BCAS3: variants seen among roughly 807,000 people sequenced by gnomAD.
BCAS3 encodes the protein BCAS3 microtubule associated cell migration factor, also known as BCAS4/BCAS3 fusion.
BCAS3 carries 53 observed loss-of-function variants against 116.1 expected under a neutral mutation model. The observed-to-expected ratio is 0.46, with a 90% CI of 0.37 to 0.57. BCAS3 has a LOEUF of 0.57. Among genes scored for constraint, BCAS3 ranks in the 20% least tolerant of loss-of-function variants. The pLI is 0.00. For synonymous variants in BCAS3, 391 were observed against 408.2 expected (o/e 0.96, Z 0.51); for missense variants, 917 against 1,165.4 (o/e 0.79, Z 3.10).
intron 19 of BCAS3, among the ~76,000 whole-genome samples, chr17:61,070,675 C>G (rs1336540847): frequency 6.6e-6 from 1 of 151,996 alleles, no homozygotes; most frequent in African/African-American, 2.4e-5. Context: ...GAATTTTAAA[C>G]TAGAATGTTG....
At chr17:61,240,824 C>T (rs2047449767) in intron 22 of BCAS3, among the ~76,000 whole-genome samples, 1 of 152,186 alleles carries the variant, frequency 6.6e-6, no homozygotes, top group East Asian at 1.9e-4. Context: ...TTAAATTGAT[C>T]TCAGACACAC....
chr17:60,977,152 G>GC (rs965473612), intron 14 of BCAS3, among the ~76,000 whole-genome samples: 3 of 152,098 alleles, frequency 2.0e-5, no homozygotes, highest in African/African-American at 7.2e-5. Context: ...GGCGGGGGCT[G>GC]CCCCCCACGA....
chr17:60,780,289 AT>A (rs76897536), intron 6 of BCAS3, among the ~76,000 whole-genome samples: 4,521 of 127,070 alleles, frequency 0.036, 110 homozygotes, highest in African/African-American at 0.087. Context: ...TGCCCTGCCT[AT>A]TTTTTTTTTT....
At chr17:61,269,609 A>G (rs748221163) in intron 22 of BCAS3, among the ~76,000 whole-genome samples, 2 of 151,944 alleles carry the variant, frequency 1.3e-5, no homozygotes, top group Non-Finnish European at 2.9e-5. Context: ...TCTCTGTTAC[A>G]TTTGTTTGTC....
chr17:61,216,323 C>A lies in BCAS3; in HGVS notation c.2425+131759C>A, dbSNP rs190722320. On this transcript the variant is annotated intron_variant, in intron 22 of 23. Transcript: ENST00000407086. ...AGATGCCCCTAGTGGGATTATATCA[C>A]CATTTTGTCAGATTTTTCTTAAGTC... Among the ~76,000 whole-genome samples, 563 of 152,164 alleles carry A rather than the reference C, an allele frequency of 3.7e-3. 3 individuals carry two copies. Among genetic ancestry groups the A allele is most frequent in the African/African-American group, 0.013 (542 of 41,514 alleles).
chr17:61,294,858 C>T (rs1003744271), intron 22 of BCAS3, among the ~76,000 whole-genome samples: 1 of 152,192 alleles, frequency 6.6e-6, no homozygotes, highest in Admixed American at 6.5e-5. Flanking sequence ...GACTTCTGGT[C>T]CATTGCTACT....
At chr17:61,246,478 A>AG (rs1314414973) in intron 22 of BCAS3, among the ~76,000 whole-genome samples, 34 of 142,704 alleles carry the variant, frequency 2.4e-4, no homozygotes, top group Non-Finnish European at 3.4e-4. Context: ...TCAGAAAAAA[A>AG]AAAAAAAAAA....
intron 5 of BCAS3, among the ~76,000 whole-genome samples, chr17:60,732,032 C>T (rs1166167059): frequency 2.0e-5 from 3 of 152,118 alleles, no homozygotes; most frequent in East Asian, 1.9e-4. Flanking sequence ...GCCTCTGCCT[C>T]CCAAAGTGCT....
chr17:60,790,038 G>C (rs1282442018), intron 6 of BCAS3, among the ~76,000 whole-genome samples: 4 of 151,920 alleles, frequency 2.6e-5, no homozygotes, highest in Admixed American at 2.6e-4. Context: ...TTTTCTACTT[G>C]CATGGACTTT....
At chr17:60,800,459 G>A (rs1226016807) in intron 6 of BCAS3, among the ~76,000 whole-genome samples, 2 of 152,098 alleles carry the variant, frequency 1.3e-5, no homozygotes, top group African/African-American at 4.8e-5. Context: ...TTACTGTTGA[G>A]TTGTGAGATT....
At position 61,244,645 on chromosome 17, in the gene BCAS3, C is replaced by A. The variant is rs951705662; in HGVS notation, c.2426-123682C>A. Among the ~76,000 whole-genome samples, 1 of 152,112 alleles carries A rather than the reference C, an allele frequency of 6.6e-6. No homozygotes were observed. On this transcript the variant is annotated intron_variant, in intron 22 of 23. Coordinates refer to ENST00000407086, the MANE Select transcript of BCAS3 (RefSeq NM_017679.5). This position sits in a 1 kb window ranked among gnomAD's most constrained non-coding sequence, Gnocchi z 4.9. The stretch of plus-strand genomic sequence containing the variant: ...TTGGGAGGCCAAAGCGGGCGGATCA[C>A]GAGGTCAGGAGATCGAGACCATCCT...
At chr17:60,693,603 G>A (rs539172211) in intron 4 of BCAS3, among the ~76,000 whole-genome samples, 1 of 151,220 alleles carries the variant, frequency 6.6e-6, no homozygotes, top group East Asian at 2.0e-4. Flanking sequence ...TTTGTAGTTG[G>A]GGTCTCACCA....
intron 22 of BCAS3, among the ~76,000 whole-genome samples, chr17:61,240,955 T>C (rs187223486): frequency 6.6e-6 from 1 of 152,338 alleles, no homozygotes; most frequent in Admixed American, 6.5e-5. Flanking sequence ...GGCTTTTGAT[T>C]AGATTTCAAT....
In BCAS3 at chr17:60,890,772, A is replaced by G. The variant is rs1033219417; in HGVS notation, c.738+1001A>G. Among the ~76,000 whole-genome samples, 10 of 152,214 alleles carry G rather than the reference A, an allele frequency of 6.6e-5. No homozygotes were observed. In the South Asian group the frequency reaches 1.2e-3, roughly 19 times the overall value. ...TGAAATCTTCTAAAAGAATATTACT[A>G]TTTTTGGTTTCGTTTTTGCTAGTTG... On this transcript the variant is annotated intron_variant, in intron 10 of 23. Coordinates refer to ENST00000407086, the MANE Select transcript of BCAS3 (RefSeq NM_017679.5).
At chr17:61,092,313 T>C (rs947058988) in intron 22 of BCAS3, among the ~76,000 whole-genome samples, 2 of 152,236 alleles carry the variant, frequency 1.3e-5, no homozygotes, top group African/African-American at 4.8e-5. Flanking sequence ...CATTTTTTTA[T>C]AAGTCTGTCT....
intron 14 of BCAS3, among the ~76,000 whole-genome samples, chr17:60,976,352 T>C (rs1186627800): frequency 6.6e-6 from 1 of 150,660 alleles, no homozygotes; most frequent in Non-Finnish European, 1.5e-5. Flanking sequence ...CGTATGTTTT[T>C]AGTTCTCTTG....
intron 22 of BCAS3, among the ~76,000 whole-genome samples, chr17:61,257,441 AAAG>A (rs1451740055): frequency 6.6e-6 from 1 of 151,556 alleles, no homozygotes; most frequent in Non-Finnish European, 1.5e-5. Flanking sequence ...AAAAAAAAAA[AAAG>A]GCAGAATTCT....
At chr17:60,777,606 A>G (rs2045430325) in intron 6 of BCAS3, among the ~76,000 whole-genome samples, 1 of 152,116 alleles carries the variant, frequency 6.6e-6, no homozygotes. Context: ...AGCCTGGGTG[A>G]CAGAGCGCGA....
At chr17:60,923,059 C>T (rs186702588) in intron 12 of BCAS3, among the ~76,000 whole-genome samples, 1 of 151,972 alleles carries the variant, frequency 6.6e-6, no homozygotes, top group Admixed American at 6.6e-5. Flanking sequence ...ATAACCAATG[C>T]AAGACTAATG....
Sources: gnomAD v4.1 joint callset for allele counts (sites outside exome capture counted in the v4.1 genomes callset) on GRCh38, gnomAD v4.1.1 for gene constraint, Gnocchi (gnomAD v3.1) non-coding constraint, MANE v1.5 for transcripts, NCBI Gene and HGNC (gene_info 2026-07-23, HGNC 2026-07-21) for gene names.